The following GALNTL6 variants were observed in gnomAD, a reference collection of about 807,000 sequenced individuals.
GALNTL6 encodes the protein polypeptide N-acetylgalactosaminyltransferase-like 6.
Under a neutral mutation model 73.7 loss-of-function variants are expected in GALNTL6, and 46 were observed. The observed-to-expected ratio is 0.62, with a 90% CI of 0.49 to 0.80. The LOEUF is 0.80. GALNTL6 is among the 30% of genes least tolerant of loss of function. GALNTL6 has a pLI of 0.00. For synonymous variants in GALNTL6, 259 were observed against 263.7 expected (o/e 0.98, Z 0.17); for missense variants, 604 against 755.0 (o/e 0.80, Z 2.34).
chr4:172,037,055 A>G lies in GALNTL6; in HGVS notation c.139-192601A>G, dbSNP rs542360241. Among the ~76,000 whole-genome samples the G allele has an allele frequency of 2.5e-3, 380 of 152,240 alleles. 1 individual carries two copies. Among genetic ancestry groups the G allele is most frequent in the Middle Eastern group, 0.01 (3 of 294 alleles). On this transcript the variant is annotated intron_variant, in intron 2 of 12. Coordinates refer to ENST00000506823, the MANE Select transcript of GALNTL6 (RefSeq NM_001034845.3). ...GGAGTTCCCTACATTAGATGATTAT[A>G]CATTTCCTATTGGCTGGCACTTGGC... is the stretch of plus-strand genomic sequence containing the variant.
chr4:172,884,196 C>G (rs2111195772), intron 8 of GALNTL6, among the ~76,000 whole-genome samples: 1 of 152,288 alleles, frequency 6.6e-6, no homozygotes, highest in East Asian at 1.9e-4. Context: ...ACGCTCCATA[C>G]TCTTTCCCCT....
intron 5 of GALNTL6, among the ~76,000 whole-genome samples, chr4:172,670,905 G>A (rs1371279605): frequency 1.3e-5 from 2 of 152,018 alleles, no homozygotes; most frequent in African/African-American, 4.8e-5. Context: ...ATTGAATAGG[G>A]TATCCTTTCC....
At chr4:172,162,862 C>T (rs775544826) in intron 2 of GALNTL6, among the ~76,000 whole-genome samples, 13 of 152,020 alleles carry the variant, frequency 8.6e-5, no homozygotes, top group South Asian at 2.1e-4. Flanking sequence ...TTAAGCACGA[C>T]CATGTTTAAA....
Position 172,341,915 on chromosome 4 carries a change from A to T in GALNTL6, c.387-6608A>T, listed in dbSNP as rs1002668206. Among the ~76,000 whole-genome samples the T allele has an allele frequency of 4.2e-4, 64 of 152,368 alleles. 1 individual carries two copies. The highest frequency in any genetic ancestry group is 7.5e-4 in the African/African-American group (31 of 41,588). On this transcript the variant is annotated intron_variant, in intron 4 of 12. Coordinates refer to ENST00000506823, the MANE Select transcript of GALNTL6 (RefSeq NM_001034845.3). Reference sequence around the variant, plus strand: ...GGTCCTTATTAGTACATTTGACTAAAAGGAAATCTCAAATATAATTTTACC... The same window carrying T: ...GGTCCTTATTAGTACATTTGACTAATAGGAAATCTCAAATATAATTTTACC...
chr4:172,349,713 G>GTATAT (rs1273530769), intron 5 of GALNTL6, among the ~76,000 whole-genome samples: 2 of 151,892 alleles, frequency 1.3e-5, no homozygotes, highest in African/African-American at 4.8e-5. Flanking sequence ...TTACATGACA[G>GTATAT]AAAGGAGGTT....
chr4:172,273,357 A>G (rs924760), intron 3 of GALNTL6, among the ~76,000 whole-genome samples: 73,379 of 151,976 alleles, frequency 0.48, 17,680 homozygotes, highest in Middle Eastern at 0.55. Flanking sequence ...TGGCAAAGTG[A>G]GTCAAAGCTC....
At chr4:172,257,173 G>A (rs754857485) in intron 3 of GALNTL6, among the ~76,000 whole-genome samples, 13 of 151,322 alleles carry the variant, frequency 8.6e-5, no homozygotes, top group Non-Finnish European at 1.0e-4. Flanking sequence ...TAATCCTAAA[G>A]CAATATCTTT....
chr4:172,740,016 C>T (rs1471509607), intron 5 of GALNTL6, among the ~76,000 whole-genome samples: 1 of 151,680 alleles, frequency 6.6e-6, no homozygotes, highest in Non-Finnish European at 1.5e-5. Flanking sequence ...TAATAAAAGC[C>T]AAAGCCTTTG....
chr4:172,254,772 G>A (rs1028886292), intron 3 of GALNTL6, among the ~76,000 whole-genome samples: 15 of 151,678 alleles, frequency 9.9e-5, no homozygotes, highest in African/African-American at 3.4e-4. Context: ...CTCCATGTAA[G>A]TCTGGCACCT....
At chr4:172,973,940 G>T (rs952048714) in intron 10 of GALNTL6, among the ~76,000 whole-genome samples, 2 of 152,316 alleles carry the variant, frequency 1.3e-5, no homozygotes, top group South Asian at 4.1e-4. Context: ...GTAAAATAAT[G>T]ATGGTGTTCA....
intron 2 of GALNTL6, among the ~76,000 whole-genome samples, chr4:172,004,832 AT>A (rs561042389): frequency 2.7e-5 from 4 of 150,642 alleles, no homozygotes; most frequent in Non-Finnish European, 4.4e-5. Flanking sequence ...TAATCCCCCA[AT>A]TTTTTTTTGT....
intron 2 of GALNTL6, among the ~76,000 whole-genome samples, chr4:172,066,079 G>A (rs754918896): frequency 6.6e-6 from 1 of 152,130 alleles, no homozygotes; most frequent in Non-Finnish European, 1.5e-5. Flanking sequence ...CAGTTGATGA[G>A]CACACATTGA....
chr4:172,396,051 C>G (rs1042080577), intron 5 of GALNTL6, among the ~76,000 whole-genome samples: 3 of 152,144 alleles, frequency 2.0e-5, no homozygotes, highest in Non-Finnish European at 2.9e-5. Flanking sequence ...CATGGAAACA[C>G]TCCAGCATAC....
At chr4:171,862,643 A>G (rs1735863214) in intron 2 of GALNTL6, among the ~76,000 whole-genome samples, 1 of 152,222 alleles carries the variant, frequency 6.6e-6, no homozygotes, top group South Asian at 2.1e-4. Flanking sequence ...ATGCCTTATT[A>G]GAAAGTCGAC....
chr4:172,661,025 T>G (rs969935586), intron 5 of GALNTL6, among the ~76,000 whole-genome samples: 2 of 152,202 alleles, frequency 1.3e-5, no homozygotes, highest in Non-Finnish European at 2.9e-5. Flanking sequence ...AATGTGATGG[T>G]TAATTTTATG....
Position 172,121,918 on chromosome 4 carries a change from A to G in GALNTL6, c.139-107738A>G, listed in dbSNP as rs151005272. Among the ~76,000 whole-genome samples the G allele has an allele frequency of 3.9e-3, 591 of 152,086 alleles. 3 individuals carry two copies. The highest frequency in any genetic ancestry group is 0.013 in the African/African-American group (553 of 41,470). On this transcript the variant is annotated intron_variant, in intron 2 of 12. Transcript: ENST00000506823. ...TATAAACCTGGGCTTAAAGGAAACC[A>G]ATTAAATAAATCAAATAATCATGGG...
chr4:172,547,565 ATG>A (rs1265433223), intron 5 of GALNTL6, among the ~76,000 whole-genome samples: 1 of 152,136 alleles, frequency 6.6e-6, no homozygotes, highest in East Asian at 1.9e-4. Context: ...CTGCAACACC[ATG>A]TGAAAAGTTC....
At chr4:172,448,188 A>G (rs539649852) in intron 5 of GALNTL6, among the ~76,000 whole-genome samples, 5 of 152,308 alleles carry the variant, frequency 3.3e-5, no homozygotes, top group Admixed American at 3.3e-4. Flanking sequence ...TTTAGCATAT[A>G]TGTCAGGAGA....
chr4:172,409,976 G>T (rs916154041), intron 5 of GALNTL6, among the ~76,000 whole-genome samples: 1 of 151,698 alleles, frequency 6.6e-6, no homozygotes, highest in African/African-American at 2.4e-5. Context: ...AGAAACCAAG[G>T]TTTATAAATG....
Sources: gnomAD v4.1 joint callset for allele counts (sites outside exome capture counted in the v4.1 genomes callset) on GRCh38, gnomAD v4.1.1 for gene constraint, MANE v1.5 for transcripts, NCBI Gene and HGNC (gene_info 2026-07-23, HGNC 2026-07-21) for gene names.